TET1: variants seen among roughly 807,000 people sequenced by gnomAD.
TET1 encodes the protein methylcytosine dioxygenase TET1.
TET1 carries 13 observed loss-of-function variants against 148.7 expected under a neutral mutation model. The observed-to-expected ratio is 0.09, with a 90% CI of 0.06 to 0.14. The LOEUF (loss-of-function observed/expected upper bound fraction) is 0.14, where lower values mean the gene tolerates loss of function less well. Ranked by LOEUF, TET1 falls within the 10% of genes least tolerant of loss-of-function variation. TET1 has a pLI of 1.00. For missense variants in TET1, 2,182 were observed against 2,553.8 expected (o/e 0.85, Z 3.14); for synonymous variants, 907 against 937.2 (o/e 0.97, Z 0.59).
chr10:68,593,943 T>TTTTTTTTA (rs2053949574), intron 2 of TET1, among the ~76,000 whole-genome samples: 1 of 131,140 alleles, frequency 7.6e-6, no homozygotes, highest in Admixed American at 8.2e-5. Context: ...TTTTTTTTTT[T>TTTTTTTTA]GAGACAGAGT....
chr10:68,679,845 TG>T (rs1324741054), intron 8 of TET1, among the ~76,000 whole-genome samples: 4 of 152,150 alleles, frequency 2.6e-5, no homozygotes, highest in Non-Finnish European at 1.5e-5. Flanking sequence ...GGCTAATTTT[TG>T]TATTTTTAGT....
chr10:68,573,203 C>T lies in TET1; in HGVS notation c.865C>T (p.Pro289Ser), dbSNP rs751530578. The T allele has an allele frequency of 6.2e-7, 1 of 1,613,848 alleles. No homozygotes were observed. The highest frequency in any genetic ancestry group is 8.5e-7 in the Non-Finnish European group (1 of 1,180,000). The change falls in exon 2 of 12, where the codon CCC (proline) becomes TCC (serine). Residue 289 changes from proline to serine, a missense_variant. Physicochemically the swap from Pro to Ser is moderately conservative, Grantham distance 74 (BLOSUM62 -1). Around this residue, in one of 11 missense-constraint regions of TET1, gnomAD observed 665 missense variants for 672.4 expected, o/e 0.99. Transcript: ENST00000373644. ...SLKLSDSYLD[P>S]IKSEHDCYPT... The stretch of plus-strand genomic sequence containing the variant: ...TAAGTTATCTGATTCTTACCTGGAT[C>T]CCATTAAAAGTGAACATGATTGCTA...
intron 2 of TET1, among the ~76,000 whole-genome samples, chr10:68,583,259 A>G (rs566444681): frequency 6.6e-6 from 1 of 152,324 alleles, no homozygotes; most frequent in South Asian, 2.1e-4. Context: ...ACTATATCAA[A>G]GCTGCAAAAG....
chr10:68,608,560 AG>A (rs2054160135), intron 3 of TET1, among the ~76,000 whole-genome samples: 1 of 151,880 alleles, frequency 6.6e-6, no homozygotes, highest in Non-Finnish European at 1.5e-5. Context: ...TTTGAGATGG[AG>A]TCTTGGTTTG....
intron 6 of TET1, among the ~76,000 whole-genome samples, chr10:68,657,204 C>T (rs10823244): frequency 0.95 from 144,409 of 151,670 alleles, 68,790 homozygotes; most frequent in East Asian, 0.98. Context: ...TGAGAGGGAG[C>T]CTCGCTCTGT....
Position 68,691,795 on chromosome 10 carries a change from C to G in TET1, c.6392C>G (p.Pro2131Arg), listed in dbSNP as rs770280088. 1 of 1,612,532 alleles carries G rather than the reference C, an allele frequency of 6.2e-7. No homozygotes were observed. Among genetic ancestry groups the G allele is most frequent in the Non-Finnish European group, 8.5e-7 (1 of 1,179,356 alleles). The change falls in exon 12 of 12, where the codon CCC becomes CGC. Residue 2131 changes from proline (P) to arginine (R), a missense_variant. Coordinates refer to ENST00000373644, the MANE Select transcript of TET1 (RefSeq NM_030625.3). The surrounding 1 kb of genome is among the most constrained non-coding windows in gnomAD (Gnocchi z 4.4). The part of the protein sequence containing the change: ...SPYALTHVAG[P>R]YNHWV ...TATGCTCTCACACACGTTGCGGGGCCCTATAACCATTGGGTCTGAAGGCTT... is the reference window on the plus strand; with the variant it reads ...TATGCTCTCACACACGTTGCGGGGCGCTATAACCATTGGGTCTGAAGGCTT...
At chr10:68,594,281 G>A (rs949006285) in intron 2 of TET1, among the ~76,000 whole-genome samples, 3 of 152,090 alleles carry the variant, frequency 2.0e-5, no homozygotes, top group African/African-American at 7.2e-5. Flanking sequence ...ACAGGGAGTA[G>A]GCCTTCCAGT....
chr10:68,654,608 C>T (rs1318993984), intron 6 of TET1, among the ~76,000 whole-genome samples: 1 of 152,042 alleles, frequency 6.6e-6, no homozygotes, highest in Non-Finnish European at 1.5e-5. Context: ...CAGAGTGAGA[C>T]TCCGTCTCAA....
At position 68,645,476 on chromosome 10, in the gene TET1, A is replaced by T. The variant is rs1205050983; in HGVS notation, c.2747A>T (p.Asp916Val). The change falls in exon 4 of 12, where the codon GAT becomes GTT. Residue 916 changes from aspartate (D) to valine (V), a missense_variant. Asp to Val is a radical substitution (Grantham distance 152). Around this residue, in one of 11 missense-constraint regions of TET1, gnomAD observed 582 missense variants for 599.5 expected, o/e 0.97. Coordinates refer to ENST00000373644, the MANE Select transcript of TET1 (RefSeq NM_030625.3). ...TCCTCCCCATCAAAGTCAGAGAAGG[A>T]TGAGGAATCAGAGCAGAGAACAGCC... ...ENSSPSKSEK[D>V]EESEQRTASL... 6 of 1,613,906 alleles carry T rather than the reference A, an allele frequency of 3.7e-6. No individual in the cohort carries two copies. The highest frequency in any genetic ancestry group is 1.7e-5 in the Admixed American group (1 of 60,034).
rs148883542 is a variant in TET1 at position 68,645,345 on chromosome 10, C to T, written c.2616C>T (p.Pro872=). ...IPSKEPKDGS[P]VQPSLLSLMK... is the part of the protein sequence containing the mutation. The stretch of plus-strand genomic sequence containing the variant: ...GTAAAGAACCAAAAGATGGATCTCC[C>T]GTTCAACCAAGTCTCTTATCGTTAA... Residue 872 remains proline (P), a synonymous_variant, in exon 4 of 12, where the codon CCC becomes CCT. Transcript: ENST00000373644. 3.4e-5 allele frequency: 55 copies of T among 1,614,094 alleles called. 1 individual carries two copies. The Middle Eastern group carries it at 8.2e-4, about 24-fold the overall frequency.
intron 10 of TET1, among the ~76,000 whole-genome samples, chr10:68,683,611 A>C (rs1589133954): frequency 6.6e-6 from 1 of 151,910 alleles, no homozygotes; most frequent in East Asian, 1.9e-4. Flanking sequence ...ATGGGGTTTC[A>C]CCGTGTTAGC....
At chr10:68,644,641 T>C in intron 3 of TET1, 57 bp from the exon 4 acceptor site, 1 of 1,467,668 alleles carries the variant, frequency 6.8e-7, no homozygotes. Context: ...TTTAATCTTC[T>C]ATGGCTGTTA....
chr10:68,617,358 T>C (rs953903914), intron 3 of TET1, among the ~76,000 whole-genome samples: 1 of 151,534 alleles, frequency 6.6e-6, no homozygotes, highest in Admixed American at 6.6e-5. Flanking sequence ...TGGAGTCTTG[T>C]TACATTGCCC....
chr10:68,570,471 A>C (rs544789857), intron 1 of TET1, among the ~76,000 whole-genome samples: 125 of 152,090 alleles, frequency 8.2e-4, no homozygotes, highest in Non-Finnish European at 1.5e-3. Context: ...CCCAGTGTCT[A>C]TTATGGCCAT....
At chr10:68,642,560 T>C (rs914985409) in intron 3 of TET1, among the ~76,000 whole-genome samples, 1 of 152,218 alleles carries the variant, frequency 6.6e-6, no homozygotes, top group Non-Finnish European at 1.5e-5. Flanking sequence ...AATGGCTATG[T>C]TGTACAACAG....
chr10:68,573,823 C>A lies in TET1; in HGVS notation c.1485C>A (p.Ser495Arg), dbSNP rs143105892. ...CATTACCTCCAGTAATGGCTATAAG[C>A]AATGTAGAAAATGAGAAGCAGGTTC... ...KNSLPPVMAI[S>R]NVENEKQVHI... Residue 495 changes from serine to arginine, a missense_variant, in exon 2 of 12, where the codon AGC (serine) becomes AGA (arginine). Ser to Arg is a moderately radical substitution (Grantham distance 110). This residue lies in a region of TET1 where 665 missense variants were observed against 672.4 expected (regional missense o/e 0.99). Coordinates refer to ENST00000373644, the MANE Select transcript of TET1 (RefSeq NM_030625.3). The A allele has an allele frequency of 6.2e-7, 1 of 1,613,936 alleles. No individual in the cohort carries two copies. Among genetic ancestry groups the A allele is most frequent in the Non-Finnish European group, 8.5e-7 (1 of 1,180,032 alleles).
At chr10:68,626,039 G>T (rs1040292673) in intron 3 of TET1, among the ~76,000 whole-genome samples, 1 of 148,680 alleles carries the variant, frequency 6.7e-6, no homozygotes, top group Non-Finnish European at 1.5e-5. Context: ...AACCGAGATG[G>T]TGCCACTGCA....
chr10:68,583,962 G>A (rs1590169197), intron 2 of TET1, among the ~76,000 whole-genome samples: 1 of 151,960 alleles, frequency 6.6e-6, no homozygotes, highest in Admixed American at 6.6e-5. Context: ...GGATTAGGGG[G>A]TGCTAACAGC....
At chr10:68,570,637 A>AT (rs199994423) in intron 1 of TET1, among the ~76,000 whole-genome samples, 7,029 of 148,422 alleles carry the variant, frequency 0.047, 219 homozygotes, top group South Asian at 0.1. Flanking sequence ...ATTATTTTTA[A>AT]TTTTTTTTTT....
Sources: gnomAD v4.1 joint callset for allele counts (sites outside exome capture counted in the v4.1 genomes callset) on GRCh38, gnomAD v4.1.1 for gene constraint, gnomAD v4.1.1 regional missense constraint, Gnocchi (gnomAD v3.1) non-coding constraint, MANE v1.5 for transcripts, NCBI Gene and HGNC (gene_info 2026-07-23, HGNC 2026-07-21) for gene names.